SEM1: variants seen among roughly 807,000 people sequenced by gnomAD.
The protein encoded by SEM1 is SEM1 26S proteasome subunit, also known as 26S proteasome complex subunit SEM1.
In SEM1, 3 loss-of-function variants were observed where a neutral mutation model predicts 12.7. The observed-to-expected ratio is 0.24, with a 90% CI of 0.11 to 0.61. SEM1 has a LOEUF of 0.61. SEM1 is among the 20% of genes least tolerant of loss of function. The pLI is 0.88. For synonymous variants in SEM1, 30 were observed against 27.8 expected (o/e 1.08, Z -0.25); for missense variants, 59 against 81.3 (o/e 0.73, Z 1.06).
At chr7:96,642,287 A>AC (rs1808639465) in intron 2 of SEM1, among the ~76,000 whole-genome samples, 1 of 152,210 alleles carries the variant, frequency 6.6e-6, no homozygotes, top group East Asian at 1.9e-4. Flanking sequence ...TTATAGAATA[A>AC]CCAGATATTC....
chr7:96,572,097 G>A (rs1381644590), intron 2 of SEM1, among the ~76,000 whole-genome samples: 2 of 152,096 alleles, frequency 1.3e-5, no homozygotes, highest in Non-Finnish European at 2.9e-5. Flanking sequence ...ATTCTCTGAT[G>A]GTAGTTTGTA....
At chr7:96,687,920 C>G (rs1321334965), downstream of SEM1, 1 of 152,028 alleles carries the variant, frequency 6.6e-6, no homozygotes, top group African/African-American at 2.4e-5. Flanking sequence ...TTATGCTTGT[C>G]TTAAAAACAG....
intron 1 of SEM1, among the ~76,000 whole-genome samples, chr7:96,707,357 A>T (rs1057121094): frequency 6.6e-6 from 1 of 152,260 alleles, no homozygotes; most frequent in Non-Finnish European, 1.5e-5. Flanking sequence ...TTCATGAGTA[A>T]ATATTGAGTG....
intron 2 of SEM1, among the ~76,000 whole-genome samples, chr7:96,559,817 C>T (rs1805637090): frequency 6.6e-6 from 1 of 152,162 alleles, no homozygotes; most frequent in South Asian, 2.1e-4. Context: ...ATGAAAATGT[C>T]ACTTATAAGT....
At chr7:96,593,764 T>A (rs1195072909) in intron 2 of SEM1, among the ~76,000 whole-genome samples, 1 of 152,164 alleles carries the variant, frequency 6.6e-6, no homozygotes, top group East Asian at 1.9e-4. Flanking sequence ...AGAAGGTCGT[T>A]AGGAAAAAGA....
chr7:96,645,906 C>T, intron 2 of SEM1: 1 of 398,316 alleles, frequency 2.5e-6, no homozygotes, highest in Admixed American at 4.4e-5. Context: ...AGAATGCCAT[C>T]TTTTATGGGT....
At chr7:96,675,611 G>A (rs1789430596) in intron 2 of SEM1, among the ~76,000 whole-genome samples, 1 of 152,112 alleles carries the variant, frequency 6.6e-6, no homozygotes, top group Non-Finnish European at 1.5e-5. Flanking sequence ...AACTCAAATG[G>A]CGTGTGGTCT....
chr7:96,663,494 C>T (rs1341168672), intron 2 of SEM1, among the ~76,000 whole-genome samples: 1 of 152,110 alleles, frequency 6.6e-6, no homozygotes, highest in African/African-American at 2.4e-5. Flanking sequence ...TCGGGCCTGA[C>T]ACCTAGGAAA....
At chr7:96,623,424 TTC>T (rs1238093621) in intron 2 of SEM1, among the ~76,000 whole-genome samples, 2 of 148,732 alleles carry the variant, frequency 1.3e-5, no homozygotes, top group African/African-American at 2.4e-5. Context: ...TTTCTTCTTC[TTC>T]TCTCTCTATA....
At chr7:96,685,618 G>T (rs1789740478), downstream of SEM1, among the ~76,000 whole-genome samples, 1 of 151,840 alleles carries the variant, frequency 6.6e-6, no homozygotes, top group South Asian at 2.1e-4. Flanking sequence ...TCAGCATCTT[G>T]GTGCTTTTCT....
chr7:96,552,721 G>T (rs1468006845), intron 2 of SEM1, among the ~76,000 whole-genome samples: 3 of 152,026 alleles, frequency 2.0e-5, no homozygotes, highest in African/African-American at 7.3e-5. Context: ...TGGGATGGCT[G>T]GGTCAAATGG....
chr7:96,650,263 A>G (rs1584833438), intron 2 of SEM1: 2 of 449,002 alleles, frequency 4.5e-6, no homozygotes, highest in East Asian at 3.5e-5. Context: ...AGAACAAACT[A>G]TGGGAAATTC....
chr7:96,578,744 A>G (rs1429063450), intron 2 of SEM1, among the ~76,000 whole-genome samples: 1 of 152,224 alleles, frequency 6.6e-6, no homozygotes, highest in Non-Finnish European at 1.5e-5. Flanking sequence ...AGACAATCCT[A>G]TTTTATGAAA....
chr7:96,526,151 G>T (rs183732291), intron 2 of SEM1, among the ~76,000 whole-genome samples: 1 of 152,052 alleles, frequency 6.6e-6, no homozygotes, highest in African/African-American at 2.4e-5. Context: ...TTCTTTACTA[G>T]CAATGTAGAA....
intron 1 of SEM1, among the ~76,000 whole-genome samples, chr7:96,701,155 G>A (rs1299167790): frequency 1.3e-5 from 2 of 152,050 alleles, no homozygotes; most frequent in Non-Finnish European, 2.9e-5. Context: ...GAAAAAAGGA[G>A]ACTAATGTTT....
At chr7:96,682,125 G>A (rs1235328476) in intron 2 of SEM1, among the ~76,000 whole-genome samples, 1 of 151,884 alleles carries the variant, frequency 6.6e-6, no homozygotes, top group African/African-American at 2.4e-5. Context: ...GTAGTCCTAG[G>A]TATTTTATTC....
intron 2 of SEM1, among the ~76,000 whole-genome samples, chr7:96,594,876 G>A (rs1477917995): frequency 6.6e-6 from 1 of 152,108 alleles, no homozygotes; most frequent in Admixed American, 6.5e-5. Flanking sequence ...GTGATACAGA[G>A]CAGCTACATA....
chr7:96,648,905 T>C (rs1052365678), intron 2 of SEM1, among the ~76,000 whole-genome samples: 1 of 152,206 alleles, frequency 6.6e-6, no homozygotes, highest in African/African-American at 2.4e-5. Context: ...TTTCTCACAT[T>C]GGGCCAAAAC....
At chr7:96,630,848 T>C (rs1194363126) in intron 2 of SEM1, among the ~76,000 whole-genome samples, 1 of 151,008 alleles carries the variant, frequency 6.6e-6, no homozygotes, top group Non-Finnish European at 1.5e-5. Context: ...AGTTAGGAGA[T>C]AATTAATCCT....
Sources: gnomAD v4.1 joint callset for allele counts (sites outside exome capture counted in the v4.1 genomes callset) on GRCh38, gnomAD v4.1.1 for gene constraint, MANE v1.5 for transcripts, NCBI Gene and HGNC (gene_info 2026-07-23, HGNC 2026-07-21) for gene names.